Variants in CEP72 observed in about 807,000 individuals in gnomAD.
CEP72 encodes the protein centrosomal protein of 72 kDa.
A neutral mutation model predicts 65.7 loss-of-function variants in CEP72; 78 were observed. That is an observed-to-expected ratio of 1.19 (90% CI 0.99 to 1.43). The LOEUF (loss-of-function observed/expected upper bound fraction) is 1.43. Among genes scored for constraint, CEP72 ranks in the 40% most tolerant of loss-of-function variants. The pLI is 0.00. For missense variants in CEP72, 914 were observed against 832.9 expected (o/e 1.10, Z -1.20); for synonymous variants, 358 against 351.7 (o/e 1.02, Z -0.20).
intron 4 of CEP72, among the ~76,000 whole-genome samples, chr5:626,542 A>G (rs1736769829): frequency 6.6e-6 from 1 of 152,240 alleles, no homozygotes; most frequent in Non-Finnish European, 1.5e-5. Context: ...GAACTGGGCC[A>G]GCCACAGTGG....
intron 4 of CEP72, among the ~76,000 whole-genome samples, chr5:627,210 G>C (rs1736811898): frequency 6.6e-6 from 1 of 150,484 alleles, no homozygotes; most frequent in African/African-American, 2.4e-5. Context: ...TTGGCAGATT[G>C]TTTCTTTCAA....
intron 8 of CEP72, among the ~76,000 whole-genome samples, chr5:639,439 G>A (rs1042179161): frequency 2.0e-5 from 3 of 152,262 alleles, no homozygotes; most frequent in Non-Finnish European, 2.9e-5. Context: ...GCCTGGGCCT[G>A]TGGGTCCCCC....
intron 3 of CEP72, chr5:665,865 C>CCCCAA: frequency 1.3e-6 from 1 of 796,632 alleles, no homozygotes; most frequent in Non-Finnish European, 1.7e-6. Context: ...AGGTCACGCC[C>CCCCAA]CCAATCCATG....
intron 2 of CEP72, 115 bp from the exon 3 acceptor site, chr5:619,954 G>T: frequency 1.3e-6 from 1 of 770,240 alleles, no homozygotes. Context: ...GTAATGACAT[G>T]GAGTTATTGC....
intron 11 of CEP72, among the ~76,000 whole-genome samples, chr5:648,915 TG>T: frequency 1.3e-5 from 1 of 77,928 alleles, no homozygotes; most frequent in Non-Finnish European, 2.5e-5. Flanking sequence ...GAGGGGTGAC[TG>T]TGAGGTGTGA....
chr5:669,012 C>A (rs1740080022), downstream of CEP72, among the ~76,000 whole-genome samples: 1 of 152,230 alleles, frequency 6.6e-6, no homozygotes, highest in South Asian at 2.1e-4. Context: ...CCTAAAGACA[C>A]AACAGACACC....
chr5:654,091 G>GC (rs1341926042), downstream of CEP72, among the ~76,000 whole-genome samples: 26 of 135,784 alleles, frequency 1.9e-4, no homozygotes, highest in Admixed American at 3.3e-4. Context: ...GTGTGTGTGT[G>GC]CTAGCTGTGT....
At chr5:618,891 G>C in intron 1 of CEP72, 99 bp from the exon 2 acceptor site, 1 of 901,632 alleles carries the variant, frequency 1.1e-6, no homozygotes, top group Non-Finnish European at 1.7e-6. Flanking sequence ...CCAAGAATCT[G>C]TGTCAGTTTC....
chr5:654,728 C>T (rs1008826576), downstream of CEP72, among the ~76,000 whole-genome samples: 9 of 152,176 alleles, frequency 5.9e-5, no homozygotes, highest in Non-Finnish European at 4.4e-5. Flanking sequence ...ATGCTTACCT[C>T]GTTTGGGTTT....
At chr5:663,123 G>A (rs1185967513) in intron 1 of CEP72, 2 of 117,772 alleles carry the variant, frequency 1.7e-5, no homozygotes, top group East Asian at 1.9e-4. Flanking sequence ...GTCTGTGATC[G>A]GGCGATTCCG....
Position 620,106 on chromosome 5 carries a change from TCTA to T in CEP72, c.253_255del (p.Tyr85del). 6.2e-7 allele frequency: 1 copy of T among 1,613,802 alleles called. No individual in the cohort carries two copies. The highest frequency in any genetic ancestry group is 8.5e-7 in the Non-Finnish European group (1 of 1,179,660). On this transcript the variant is annotated inframe_deletion, in exon 3 of 12. Transcript: ENST00000264935. ...CTGACTGCATTGGAGAGTCTCAATC[TCTA>T]CTACAACTGCATCTCCTCGTTGGCA...
At chr5:651,486 G>T (rs996176536) in intron 11 of CEP72, among the ~76,000 whole-genome samples, 1 of 151,994 alleles carries the variant, frequency 6.6e-6, no homozygotes, top group African/African-American at 2.4e-5. Flanking sequence ...GGGCAACCTG[G>T]TTCCCCTGGG....
chr5:635,578 CA>C lies in CEP72; in HGVS notation c.899del (p.His300ProfsTer68). 1 of 1,610,470 alleles carries C rather than the reference CA, an allele frequency of 6.2e-7. No homozygotes were observed. ...APRPHTYFTPHPDSMDTEDSA... is the reference protein window; with the variant it reads ...APRPHTYFTPXPDSMDTEDSA... ...CAGGCCACACACGTACTTCACCCCA[CA>C]CCCAGGTACTTACGCGTGTCTTAGT... On this transcript the variant is annotated frameshift_variant, in exon 6 of 12. Transcript: ENST00000264935. LOFTEE classifies it high-confidence loss of function.
chr5:653,304 T>G lies in CEP72; in HGVS notation c.*151T>G. On this transcript the variant is annotated 3_prime_UTR_variant, in exon 12 of 12. Transcript: ENST00000264935. The stretch of plus-strand genomic sequence containing the variant: ...ATTTTTGGAATGTATTCAGGACCTG[T>G]AGCTTGGTTTTCTAAAGCACCTCGT... 2.8e-6 allele frequency: 2 copies of G among 724,596 alleles called. No individual in the cohort carries two copies. Among genetic ancestry groups the G allele is most frequent in the Non-Finnish European group, 4.2e-6 (2 of 481,024 alleles). The allele number at this position is 724,596 out of a possible 1,614,324, so 44.9% of individuals were successfully genotyped here. A position where few individuals can be genotyped will look rare whatever the true frequency, so the allele number is the denominator to read the frequency against.
chr5:648,537 T>TG (rs200095995), intron 11 of CEP72, among the ~76,000 whole-genome samples: 15 of 77,864 alleles, frequency 1.9e-4, no homozygotes, highest in African/African-American at 5.5e-4. Flanking sequence ...CTGTGAGGTG[T>TG]GACTGTGAGG....
chr5:674,524 GAGTT>G, the CEP72 span, among the ~76,000 whole-genome samples: 1 of 152,134 alleles, frequency 6.6e-6, no homozygotes, highest in Non-Finnish European at 1.5e-5. Context: ...TTGGCAGAGT[GAGTT>G]CTGGGCTCAG....
At chr5:650,554 TG>T (rs1258724136) in intron 11 of CEP72, among the ~76,000 whole-genome samples, 4 of 42,854 alleles carry the variant, frequency 9.3e-5, no homozygotes, top group African/African-American at 8.8e-4. Context: ...CTGTGAGGCG[TG>T]GACTGTGAGG....
At chr5:632,219 C>T (rs1337678292) in intron 4 of CEP72, among the ~76,000 whole-genome samples, 1 of 59,736 alleles carries the variant, frequency 1.7e-5, no homozygotes, top group African/African-American at 6.6e-5. Context: ...TGTCCAGTGT[C>T]GGGATTTGAC....
exon 4 of CEP72, chr5:666,013 T>A: frequency 1.3e-6 from 2 of 1,591,766 alleles, no homozygotes; most frequent in Non-Finnish European, 1.7e-6. Context: ...GATGAGCCTG[T>A]GCACCTCGCG....
Sources: gnomAD v4.1 joint callset for allele counts (sites outside exome capture counted in the v4.1 genomes callset) on GRCh38, gnomAD v4.1.1 for gene constraint, MANE v1.5 for transcripts, NCBI Gene and HGNC (gene_info 2026-07-23, HGNC 2026-07-21) for gene names.